The following TNIK variants were observed in gnomAD, a reference collection of about 807,000 sequenced individuals.
The protein encoded by TNIK is TRAF2 and NCK interacting kinase.
A neutral mutation model predicts 191.3 loss-of-function variants in TNIK; 49 were observed. That is an observed-to-expected ratio of 0.26 (90% confidence interval 0.20 to 0.32). The LOEUF (loss-of-function observed/expected upper bound fraction) is 0.32, where lower values mean the gene tolerates loss of function less well. TNIK is among the 10% of genes least tolerant of loss of function. TNIK has a pLI of 1.00. For synonymous variants in TNIK, 594 were observed against 600.9 expected (o/e 0.99, Z 0.17); for missense variants, 1,155 against 1,702.3 (o/e 0.68, Z 5.66).
At chr3:171,080,064 C>T (rs907058138) in intron 27 of TNIK, among the ~76,000 whole-genome samples, 7 of 152,108 alleles carry the variant, frequency 4.6e-5, no homozygotes, top group African/African-American at 1.7e-4. Flanking sequence ...CTTTCCTTCA[C>T]CGTATAACCT....
chr3:171,119,029 T>C (rs1252343163), intron 18 of TNIK, among the ~76,000 whole-genome samples: 1 of 151,958 alleles, frequency 6.6e-6, no homozygotes, highest in African/African-American at 2.4e-5. Context: ...TGGGAGAAAA[T>C]TTTTGCAATC....
Position 171,126,053 on chromosome 3 carries a change from C to T in TNIK, c.1872G>A (p.Glu624=). The T allele has an allele frequency of 1.2e-6, 2 of 1,613,600 alleles. No homozygotes were observed. The highest frequency in any genetic ancestry group is 4.5e-5 in the East Asian group (2 of 44,880). Residue 624 remains glutamate, a synonymous_variant, in exon 17 of 33, where the codon GAG becomes GAA. Coordinates refer to ENST00000436636, the MANE Select transcript of TNIK (RefSeq NM_015028.4). ...CGCGGTGGGAGGTCACGTTCAGAGC[C>T]TCCTGAAACCCAGAGAGGCCCTTTG... ...QPTKGLSGFQ[E]ALNVTSHRVE...
chr3:171,280,408 C>A (rs1453928567), intron 2 of TNIK, among the ~76,000 whole-genome samples: 1 of 152,186 alleles, frequency 6.6e-6, no homozygotes, highest in Admixed American at 6.5e-5. Flanking sequence ...TTGGATCAGG[C>A]ACTTAACCTC....
intron 1 of TNIK, among the ~76,000 whole-genome samples, chr3:171,371,786 C>T (rs1311110843): frequency 1.3e-5 from 2 of 152,096 alleles, no homozygotes; most frequent in Non-Finnish European, 2.9e-5. Context: ...AAAAAAAAAG[C>T]CCATAAATGG....
At chr3:171,121,551 G>GT (rs1257835100) in intron 18 of TNIK, among the ~76,000 whole-genome samples, 5 of 152,236 alleles carry the variant, frequency 3.3e-5, no homozygotes, top group Non-Finnish European at 1.5e-5. Context: ...GGAGCAAGAG[G>GT]TACAGCAGAA....
At chr3:171,177,210 G>T in intron 8 of TNIK, 116 bp downstream of exon 8, 1 of 984,046 alleles carries the variant, frequency 1.0e-6, no homozygotes, top group Non-Finnish European at 1.4e-6. Context: ...ATGCCAGCTT[G>T]AATCCATGCA....
In TNIK at chr3:171,110,203, G is replaced by A. The variant is rs142724132; in HGVS notation, c.2284+511C>T. 4.4e-3 allele frequency among the ~76,000 whole-genome samples: 669 copies of A among 152,156 alleles called. 4 individuals carry two copies. The highest frequency in any genetic ancestry group is 0.015 in the African/African-American group (607 of 41,520). On this transcript the variant is annotated intron_variant, in intron 19 of 32. Transcript: ENST00000436636. ...ATTACAGGCGTGAGCCACCACACTC[G>A]GCCTAAATATGCTTTTTAAGTCAAA...
At chr3:171,341,243 C>A (rs934496238) in intron 2 of TNIK, among the ~76,000 whole-genome samples, 1 of 151,940 alleles carries the variant, frequency 6.6e-6, no homozygotes, top group East Asian at 1.9e-4. Context: ...GAGGCCGAGG[C>A]AGGTGGATCA....
chr3:171,234,838 A>AG (rs1189807211), intron 2 of TNIK, among the ~76,000 whole-genome samples: 1 of 152,166 alleles, frequency 6.6e-6, no homozygotes, highest in Non-Finnish European at 1.5e-5. Context: ...AGACAAGATG[A>AG]GGGGTGACGA....
chr3:171,457,978 G>T (rs896913882), intron 1 of TNIK, among the ~76,000 whole-genome samples: 1 of 152,174 alleles, frequency 6.6e-6, no homozygotes, highest in Non-Finnish European at 1.5e-5. Context: ...CTCCGTGCTT[G>T]GTATCTCAGA....
intron 2 of TNIK, among the ~76,000 whole-genome samples, chr3:171,275,395 G>A (rs1041482145): frequency 2.0e-5 from 3 of 151,568 alleles, no homozygotes; most frequent in Non-Finnish European, 2.9e-5. Context: ...CATAAGACAG[G>A]CAATAGAAAA....
At chr3:171,365,539 A>T (rs1000378995) in intron 2 of TNIK, among the ~76,000 whole-genome samples, 2 of 152,096 alleles carry the variant, frequency 1.3e-5, no homozygotes, top group Non-Finnish European at 2.9e-5. Context: ...ATAGCTCTAG[A>T]GGTATGAAAT....
intron 12 of TNIK, among the ~76,000 whole-genome samples, chr3:171,154,778 C>T (rs545206154): frequency 6.6e-6 from 1 of 152,308 alleles, no homozygotes; most frequent in East Asian, 1.9e-4. Flanking sequence ...TTCACTTTAG[C>T]TGGGTTTAAT....
rs6776047 is a variant in TNIK, at chr3:171,159,201, C to G, written c.1017-1537G>C. Among the ~76,000 whole-genome samples, 15,207 of 151,670 alleles carry G rather than the reference C, an allele frequency of 0.1. 2,491 individuals are homozygous for G. Among genetic ancestry groups the G allele is most frequent in the African/African-American group, 0.35 (14,330 of 41,280 alleles). On this transcript the variant is annotated intron_variant, in intron 11 of 32. Transcript: ENST00000436636. This position sits in a 1 kb window ranked among gnomAD's most constrained non-coding sequence, Gnocchi z 4.1. The stretch of plus-strand genomic sequence containing the variant: ...GACACCACCCAGGGCGAGAGCAGAG[C>G]GGGTGGAGGAGGGAAGGAGCGTTTG...
intron 1 of TNIK, among the ~76,000 whole-genome samples, chr3:171,419,108 A>G (rs368699496): frequency 1.3e-5 from 2 of 152,298 alleles, no homozygotes; most frequent in East Asian, 1.9e-4. Context: ...TCACTTCTTC[A>G]AAGGGCCCGT....
intron 2 of TNIK, among the ~76,000 whole-genome samples, chr3:171,332,338 C>T (rs1257052212): frequency 6.6e-6 from 1 of 152,196 alleles, no homozygotes; most frequent in Non-Finnish European, 1.5e-5. Flanking sequence ...GTTTTACAAA[C>T]AATATAATTG....
chr3:171,353,524 A>T (rs1225212366), intron 2 of TNIK, among the ~76,000 whole-genome samples: 1 of 152,228 alleles, frequency 6.6e-6, no homozygotes, highest in Non-Finnish European at 1.5e-5. Flanking sequence ...TACTGTGCAC[A>T]GAACAAGGTC....
chr3:171,282,334 G>GTTTGTTTT (rs1750528341), intron 2 of TNIK, among the ~76,000 whole-genome samples: 1 of 114,524 alleles, frequency 8.7e-6, no homozygotes, highest in Non-Finnish European at 1.8e-5. Flanking sequence ...TCTCTTAATG[G>GTTTGTTTT]TTTTTTGTTT....
chr3:171,305,008 TTAA>T (rs890984440), intron 2 of TNIK, among the ~76,000 whole-genome samples: 5 of 86,730 alleles, frequency 5.8e-5, no homozygotes, highest in African/African-American at 2.5e-4. Context: ...TAAAGTATAA[TTAA>T]AAAAAAAAAA....
Sources: gnomAD v4.1 joint callset for allele counts (sites outside exome capture counted in the v4.1 genomes callset) on GRCh38, gnomAD v4.1.1 for gene constraint, Gnocchi (gnomAD v3.1) non-coding constraint, MANE v1.5 for transcripts, NCBI Gene and HGNC (gene_info 2026-07-23, HGNC 2026-07-21) for gene names.